The following ZBTB17 variants were observed in gnomAD, a reference collection of about 807,000 sequenced individuals.
The protein encoded by ZBTB17 is zinc finger and BTB domain containing 17.
A neutral mutation model predicts 85.1 loss-of-function variants in ZBTB17; 24 were observed. That is an observed-to-expected ratio of 0.28 (90% CI 0.20 to 0.40). The LOEUF is 0.40. Ranked by LOEUF, ZBTB17 falls within the 10% of genes least tolerant of loss-of-function variation. The probability of loss-of-function intolerance (pLI) is 1.00; values close to 1 mark genes in which losing one functional copy is unlikely to be tolerated. For synonymous variants in ZBTB17, 464 were observed against 460.2 expected, an observed-to-expected ratio of 1.01 and a Z score of -0.11; for missense variants, 743 against 1,105.1, an observed-to-expected ratio of 0.67 and a Z score of 4.65.
rs2072697087 is a variant in ZBTB17, at chr1:15,971,778, C to T, written c.-3+1261G>A. Reference sequence around the variant, plus strand: ...AATTCTCCAAACAATTCTGTCATCCCTATTTTACAGATGAGGAAACTGAGG... The same window carrying T: ...AATTCTCCAAACAATTCTGTCATCCTTATTTTACAGATGAGGAAACTGAGG... On this transcript the variant is annotated intron_variant, in intron 2 of 15. Coordinates refer to ENST00000375743, the MANE Select transcript of ZBTB17 (RefSeq NM_003443.3). Among the ~76,000 whole-genome samples, 2 of 152,108 alleles carry T rather than the reference C, an allele frequency of 1.3e-5. 1 individual carries two copies. Among genetic ancestry groups the T allele is most frequent in the South Asian group, 4.1e-4 (2 of 4,822 alleles).
chr1:15,975,645 T>G (rs922620396), intron 1 of ZBTB17, among the ~76,000 whole-genome samples: 1 of 146,644 alleles, frequency 6.8e-6, no homozygotes, highest in Admixed American at 6.7e-5. Flanking sequence ...ACGCCCACCC[T>G]CGACAGCGCG....
chr1:15,942,314 C>G lies in ZBTB17; in HGVS notation c.2128+17G>C. The G allele has an allele frequency of 6.2e-7, 1 of 1,613,908 alleles. No homozygotes were observed. Among genetic ancestry groups the G allele is most frequent in the Non-Finnish European group, 8.5e-7 (1 of 1,180,000 alleles). ...CCCGGGCTCTGCCCACATTCACACC[C>G]GGGTGGCCCCCCTCACCTTCTTCCT... On this transcript the variant is annotated intron_variant, in intron 15 of 15. Transcript: ENST00000375743.
rs149712043 is a variant in ZBTB17, at chr1:15,946,183, C to T, written c.506G>A (p.Arg169His). Residue 169 changes from arginine to histidine, a missense_variant, in exon 5 of 16, where the codon CGC becomes CAC. Physicochemically the swap from Arg to His is conservative, Grantham distance 29. Around this residue, in one of 4 missense-constraint regions of ZBTB17, gnomAD observed 279 missense variants for 269.9 expected, o/e 1.03. Transcript: ENST00000375743. ...IGPSRDLKEE[R>H]GGQAQSAASG... ...GGCCGCACTCTGGGCCTGACCGCCGCGCTCCTCCTTGAGGTCCCTGCTGGG... is the reference window on the plus strand; with the variant it reads ...GGCCGCACTCTGGGCCTGACCGCCGTGCTCCTCCTTGAGGTCCCTGCTGGG... 188 of 1,610,790 alleles carry T rather than the reference C, an allele frequency of 1.2e-4. No homozygotes were observed. In the African/African-American group the frequency reaches 1.2e-3, roughly 11 times the overall value.
At chr1:15,961,773 C>G (rs747216548) in intron 2 of ZBTB17, among the ~76,000 whole-genome samples, 3 of 152,216 alleles carry the variant, frequency 2.0e-5, no homozygotes, top group Non-Finnish European at 2.9e-5. Flanking sequence ...CAAGTGTGAC[C>G]TGGCTCCTGG....
At chr1:15,956,899 G>A (rs964610473) in intron 2 of ZBTB17, among the ~76,000 whole-genome samples, 2 of 152,170 alleles carry the variant, frequency 1.3e-5, no homozygotes, top group Non-Finnish European at 2.9e-5. Context: ...GAAAGGAGGC[G>A]GCCGGGCACA....
intron 2 of ZBTB17, among the ~76,000 whole-genome samples, chr1:15,960,431 T>TA (rs2072216498): frequency 6.6e-6 from 1 of 152,100 alleles, no homozygotes; most frequent in Non-Finnish European, 1.5e-5. Context: ...AAAAACTATA[T>TA]AGAAAGAAGA....
chr1:15,962,691 G>T (rs2072302522), intron 2 of ZBTB17, among the ~76,000 whole-genome samples: 1 of 152,178 alleles, frequency 6.6e-6, no homozygotes, highest in African/African-American at 2.4e-5. Flanking sequence ...AACAGATCCT[G>T]AGCCTGTACC....
At chr1:15,949,582 A>G (rs1197555330) in intron 2 of ZBTB17, among the ~76,000 whole-genome samples, 1 of 152,198 alleles carries the variant, frequency 6.6e-6, no homozygotes, top group Non-Finnish European at 1.5e-5. Context: ...CTGAGTCTGC[A>G]CGGGGCTGGC....
intron 2 of ZBTB17, among the ~76,000 whole-genome samples, chr1:15,972,252 A>G (rs2072715550): frequency 6.6e-6 from 1 of 152,216 alleles, no homozygotes; most frequent in Non-Finnish European, 1.5e-5. Flanking sequence ...TGTTGGGCAC[A>G]GAAACAATGA....
intron 2 of ZBTB17, chr1:15,969,987 C>A: frequency 2.4e-6 from 2 of 850,820 alleles, no homozygotes; most frequent in Admixed American, 4.1e-5. Flanking sequence ...AGAGAAGCTA[C>A]AAAATATGTT....
At chr1:15,975,035 T>A (rs570404385) in intron 1 of ZBTB17, among the ~76,000 whole-genome samples, 1 of 152,102 alleles carries the variant, frequency 6.6e-6, no homozygotes, top group Non-Finnish European at 1.5e-5. Context: ...CCTCCCGGGA[T>A]TCCCCCTAGG....
Position 15,973,665 on chromosome 1 carries a change from C to A in ZBTB17, c.-89-540G>T, listed in dbSNP as rs565083137. On this transcript the variant is annotated intron_variant, in intron 1 of 15. Coordinates refer to ENST00000375743, the MANE Select transcript of ZBTB17 (RefSeq NM_003443.3). The surrounding 1 kb of genome is among the most constrained non-coding windows in gnomAD (Gnocchi z 4.1). ...CTATCACATGGAGCAGCATCCAACACCCATCAGTCAAAAACTGGGGTGATC... is the reference window on the plus strand; with the variant it reads ...CTATCACATGGAGCAGCATCCAACAACCATCAGTCAAAAACTGGGGTGATC... 6.6e-6 allele frequency among the ~76,000 whole-genome samples: 1 copy of A among 152,324 alleles called. No homozygotes were observed. Among genetic ancestry groups the A allele is most frequent in the South Asian group, 2.1e-4 (1 of 4,822 alleles).
rs1368741903 is a variant in ZBTB17, at chr1:15,946,154, C to T, written c.535G>A (p.Gly179Ser). The change falls in exon 5 of 16, where the codon GGT (glycine) becomes AGT (serine). Residue 179 changes from glycine (G) to serine (S), a missense_variant and splice_region_variant. This residue lies in a region of ZBTB17 where 279 missense variants were observed against 269.9 expected (regional missense o/e 1.03). Coordinates refer to ENST00000375743, the MANE Select transcript of ZBTB17 (RefSeq NM_003443.3). ...RGGQAQSAAS[G>S]AEQTEKADAP... ...GCTGGGTCCTTGGCATCTGACTCAC[C>T]GCTGGCCGCACTCTGGGCCTGACCG... 24 of 1,605,764 alleles carry T rather than the reference C, an allele frequency of 1.5e-5. No individual in the cohort carries two copies. The highest frequency in any genetic ancestry group is 2.2e-5 in the South Asian group (2 of 91,090).
At chr1:15,955,561 T>C (rs940976030) in intron 2 of ZBTB17, among the ~76,000 whole-genome samples, 1 of 152,202 alleles carries the variant, frequency 6.6e-6, no homozygotes, top group Non-Finnish European at 1.5e-5. Context: ...GTTTGTATTA[T>C]AAAAAAACAG....
At chr1:15,971,504 CACACACACTATATATAT>C (rs2072675106) in intron 2 of ZBTB17, among the ~76,000 whole-genome samples, 6 of 35,936 alleles carry the variant, frequency 1.7e-4, no homozygotes, top group African/African-American at 7.7e-4. Flanking sequence ...TATATATATA[CACACACACTATATATAT>C]ACACACACAC....
At position 15,942,211 on chromosome 1, in the gene ZBTB17, C is replaced by T. The variant is rs753872623; in HGVS notation, c.2170G>A (p.Asp724Asn). 1 of 1,613,894 alleles carries T rather than the reference C, an allele frequency of 6.2e-7. No individual in the cohort carries two copies. Among genetic ancestry groups the T allele is most frequent in the Non-Finnish European group, 8.5e-7 (1 of 1,180,036 alleles). The part of the protein sequence containing the change: ...HILYACDSCG[D>N]KFLDANSLAQ... ...AGGCTGTTGGCATCCAGAAACTTGT[C>T]CCCACAGGAGTCACAGGCGTAGAGG... Residue 724 changes from aspartate (D) to asparagine (N), a missense_variant, in exon 16 of 16, where the codon GAC becomes AAC. Physicochemically the swap from Asp to Asn is conservative, Grantham distance 23. Around this residue, in one of 4 missense-constraint regions of ZBTB17, gnomAD observed 321 missense variants for 615.7 expected, o/e 0.52. Coordinates refer to ENST00000375743, the MANE Select transcript of ZBTB17 (RefSeq NM_003443.3).
chr1:15,958,774 T>G (rs1221621702), intron 2 of ZBTB17, among the ~76,000 whole-genome samples: 1 of 152,074 alleles, frequency 6.6e-6, no homozygotes, highest in Non-Finnish European at 1.5e-5. Context: ...AGAAAGACCT[T>G]TGGGCAGGGG....
At chr1:15,942,999 C>A (rs2071426746) in intron 13 of ZBTB17, 65 bp downstream of exon 13, 5 of 1,595,982 alleles carry the variant, frequency 3.1e-6, no homozygotes, top group Non-Finnish European at 1.7e-6. Flanking sequence ...TCCCTTCCTT[C>A]CCCCTGCTCC....
intron 6 of ZBTB17, 97 bp from the exon 7 acceptor site, chr1:15,945,299 C>T (rs1487290355): frequency 3.4e-6 from 5 of 1,481,164 alleles, no homozygotes; most frequent in Non-Finnish European, 4.5e-6. Context: ...TAAATGGCCC[C>T]AGCACTGGCC....
Sources: allele counts gnomAD v4.1 joint callset (sites outside exome capture counted in the v4.1 genomes callset), GRCh38; gene constraint gnomAD v4.1.1; regional missense constraint gnomAD v4.1.1; non-coding constraint Gnocchi (gnomAD v3.1); transcripts MANE v1.5; gene names NCBI Gene and HGNC (gene_info 2026-07-23, HGNC 2026-07-21).